BOK: variants seen among roughly 807,000 people sequenced by gnomAD.
The protein encoded by BOK is bcl-2-related ovarian killer protein.
Under a neutral mutation model 18.3 loss-of-function variants are expected in BOK, and 20 were observed. The ratio of observed to expected loss-of-function variants is 1.09; its 90% CI spans 0.77 to 1.59. BOK has a LOEUF of 1.59. BOK is among the 40% of genes most tolerant of loss of function. The pLI is 0.00. For synonymous variants in BOK, 173 were observed against 142.4 expected (o/e 1.21, Z -1.53); for missense variants, 348 against 307.9 (o/e 1.13, Z -0.97).
chr2:241,572,812 G>C lies in BOK; in HGVS notation c.*390G>C. Reference sequence around the variant, plus strand: ...AACACCTGCTCTCACCTGAGCCCCAGGTGAAGGGGCCCGGGAACACCTGCT... The same window carrying C: ...AACACCTGCTCTCACCTGAGCCCCACGTGAAGGGGCCCGGGAACACCTGCT... On this transcript the variant is annotated 3_prime_UTR_variant, in exon 5 of 5. Transcript: ENST00000318407. 4.8e-6 allele frequency: 1 copy of C among 207,844 alleles called. No individual in the cohort carries two copies. Among genetic ancestry groups the C allele is most frequent in the South Asian group, 9.2e-5 (1 of 10,832 alleles). The allele number at this position is 207,844 out of a possible 1,614,324, so 12.9% of individuals were successfully genotyped here.
upstream of BOK, among the ~76,000 whole-genome samples, chr2:241,558,054 G>GACACACACAAACACACACACAC (rs2066468061): frequency 7.0e-6 from 1 of 143,244 alleles, no homozygotes; most frequent in Non-Finnish European, 1.5e-5. Context: ...AGAGTTCCGA[G>GACACACACAAACACACACACAC]ACACACACAC....
chr2:241,557,688 T>C (rs996097927), upstream of BOK, among the ~76,000 whole-genome samples: 1 of 152,214 alleles, frequency 6.6e-6, no homozygotes, highest in Admixed American at 6.5e-5. Context: ...GCATTTGATA[T>C]GTCTTATTTT....
At chr2:241,559,323 TG>T (rs2066486639) in intron 1 of BOK, 131 bp from the exon 2 acceptor site, 2 of 447,230 alleles carry the variant, frequency 4.5e-6, no homozygotes, top group Admixed American at 9.2e-5. Context: ...TTTAAAGATT[TG>T]GGGCACAAAA....
chr2:241,557,426 C>T (rs1469797693), upstream of BOK, among the ~76,000 whole-genome samples: 3 of 151,436 alleles, frequency 2.0e-5, no homozygotes, highest in Non-Finnish European at 4.4e-5. Context: ...TCTCCTGCCT[C>T]AGCCTCCTTA....
At chr2:241,563,824 A>G (rs1424513742) in intron 3 of BOK, among the ~76,000 whole-genome samples, 2 of 152,174 alleles carry the variant, frequency 1.3e-5, no homozygotes, top group Admixed American at 1.3e-4. Flanking sequence ...CCTCAGAGCC[A>G]GGGGTCTTCA....
At chr2:241,563,800 C>T (rs771944222) in intron 3 of BOK, among the ~76,000 whole-genome samples, 5 of 152,342 alleles carry the variant, frequency 3.3e-5, no homozygotes, top group Admixed American at 6.5e-5. Flanking sequence ...ATGCATCCCA[C>T]GCCACGGGGT....
intron 3 of BOK, among the ~76,000 whole-genome samples, chr2:241,564,836 C>T (rs955983787): frequency 3.3e-5 from 5 of 152,174 alleles, no homozygotes; most frequent in Non-Finnish European, 5.9e-5. Flanking sequence ...TGCAGGCTGG[C>T]TTTAAAAGGA....
chr2:241,553,237 G>A (rs553874680), intron 1 of BOK, among the ~76,000 whole-genome samples: 8 of 152,282 alleles, frequency 5.3e-5, no homozygotes, highest in South Asian at 2.1e-4. Flanking sequence ...TGCAACCTCC[G>A]CCTCCTGGGT....
At chr2:241,561,280 C>T (rs1048020651) in intron 2 of BOK, among the ~76,000 whole-genome samples, 8 of 152,284 alleles carry the variant, frequency 5.3e-5, no homozygotes, top group Non-Finnish European at 1.2e-4. Flanking sequence ...TGCGCTGCTG[C>T]TGCCAAGGGT....
chr2:241,565,139 T>C (rs2066591524), intron 3 of BOK, among the ~76,000 whole-genome samples: 1 of 152,110 alleles, frequency 6.6e-6, no homozygotes, highest in South Asian at 2.1e-4. Context: ...GTTTAAGTCT[T>C]GTTTTCACTG....
At chr2:241,560,229 A>G (rs1001602576) in intron 2 of BOK, 61 of 985,320 alleles carry the variant, frequency 6.2e-5, no homozygotes, top group Non-Finnish European at 7.1e-5. Context: ...TTCTGGGGTC[A>G]CACACGGTCC....
intron 2 of BOK, chr2:241,560,227 T>C (rs2066506576): frequency 1.0e-6 from 1 of 985,222 alleles, no homozygotes; most frequent in Admixed American, 6.2e-5. Flanking sequence ...GGTTCTGGGG[T>C]CACACACGGT....
intron 2 of BOK, among the ~76,000 whole-genome samples, chr2:241,561,180 CCT>C (rs1247775380): frequency 2.6e-5 from 4 of 152,216 alleles, no homozygotes; most frequent in Admixed American, 6.5e-5. Flanking sequence ...GCAGCATTAC[CCT>C]GTTTGCTTTG....
At position 241,572,461 on chromosome 2, in the gene BOK, G is replaced by A; in HGVS notation, c.*39G>A. 1 of 1,578,290 alleles carries A rather than the reference G, an allele frequency of 6.3e-7. No homozygotes were observed. The highest frequency in any genetic ancestry group is 1.1e-5 in the South Asian group (1 of 87,796). On this transcript the variant is annotated 3_prime_UTR_variant, in exon 5 of 5. Transcript: ENST00000318407. ...CAGTGGCCGCAGCCTGGCCCTCTGGGCCCAACGCAGGAGGCCCTCAGCACC... is the reference window on the plus strand; with the variant it reads ...CAGTGGCCGCAGCCTGGCCCTCTGGACCCAACGCAGGAGGCCCTCAGCACC...
In BOK at chr2:241,559,590, G is replaced by A. The variant is rs748011785; in HGVS notation, c.107G>A (p.Arg36Gln). 4.6e-6 allele frequency: 7 copies of A among 1,506,226 alleles called. No individual in the cohort carries two copies. The African/African-American group carries it at 8.7e-5, about 19-fold the overall frequency. The allele number at this position is 1,506,226 out of a possible 1,614,324, so 93.3% of individuals were successfully genotyped here. The stretch of plus-strand genomic sequence containing the variant: ...GTGGCCCAGGCCAAGGCGCTGGGCC[G>A]GGAGTACGTGCACGCGCGGCTGCTG... ...ELVAQAKALG[R>Q]EYVHARLLRA... Residue 36 changes from arginine (R) to glutamine (Q), a missense_variant, in exon 2 of 5, where the codon CGG (arginine) becomes CAG (glutamine). By Grantham distance (43) the Arg-to-Gln change is conservative (BLOSUM62 1). Coordinates refer to ENST00000318407, the MANE Select transcript of BOK (RefSeq NM_032515.5).
At chr2:241,556,476 C>T (rs764540739), upstream of BOK, among the ~76,000 whole-genome samples, 6 of 140,964 alleles carry the variant, frequency 4.3e-5, no homozygotes, top group Non-Finnish European at 7.5e-5. Flanking sequence ...CCCAGCTACT[C>T]GGGAGGCTGA....
chr2:241,557,421 T>C (rs2066461769), upstream of BOK, among the ~76,000 whole-genome samples: 1 of 151,234 alleles, frequency 6.6e-6, no homozygotes, highest in African/African-American at 2.4e-5. Context: ...GCAATTCTCC[T>C]GCCTCAGCCT....
intron 2 of BOK, chr2:241,560,264 G>A: frequency 1.0e-6 from 1 of 985,212 alleles, no homozygotes; most frequent in African/African-American, 1.7e-5. Context: ...CCGTCTCCAA[G>A]GTCTGGACCC....
At chr2:241,570,094 G>A (rs1440414613) in intron 3 of BOK, 31 bp from the exon 4 acceptor site, 11 of 1,602,406 alleles carry the variant, frequency 6.9e-6, no homozygotes, top group Non-Finnish European at 9.4e-6. Context: ...CGGGATTCAA[G>A]TCCTGATCTT....
Sources: gnomAD v4.1 joint callset for allele counts (sites outside exome capture counted in the v4.1 genomes callset) on GRCh38, gnomAD v4.1.1 for gene constraint, MANE v1.5 for transcripts, NCBI Gene and HGNC (gene_info 2026-07-23, HGNC 2026-07-21) for gene names.